Variants in FILIP1L observed in about 807,000 individuals in gnomAD.
The protein encoded by FILIP1L is filamin A interacting protein 1 like.
FILIP1L carries 55 observed loss-of-function variants against 96.6 expected under a neutral mutation model. The observed-to-expected ratio is 0.57, with a 90% CI of 0.46 to 0.71. The LOEUF is 0.71. Among genes scored for constraint, FILIP1L ranks in the 30% least tolerant of loss-of-function variants. The pLI, the probability that FILIP1L is intolerant of heterozygous loss-of-function variation, is 0.00. For synonymous variants in FILIP1L, 467 were observed against 473.9 expected (o/e 0.99, Z 0.19); for missense variants, 1,304 against 1,321.2 (o/e 0.99, Z 0.20).
At chr3:100,026,736 A>G (rs967090617) in intron 1 of FILIP1L, among the ~76,000 whole-genome samples, 1 of 152,182 alleles carries the variant, frequency 6.6e-6, no homozygotes, top group African/African-American at 2.4e-5. Flanking sequence ...CTGTTGCACT[A>G]CTGTGGTCCA....
chr3:99,930,673 G>A, intron 2 of FILIP1L, 96 bp downstream of exon 2: 1 of 1,333,576 alleles, frequency 7.5e-7, no homozygotes, highest in South Asian at 1.3e-5. Context: ...ACACATGTAT[G>A]AACCACAGAT....
At chr3:99,923,989 C>T (rs902881310) in intron 4 of FILIP1L, among the ~76,000 whole-genome samples, 11 of 152,224 alleles carry the variant, frequency 7.2e-5, no homozygotes, top group Admixed American at 6.5e-4. Context: ...GCAGCCTTCA[C>T]AGGGCACTCC....
At chr3:100,022,591 A>T (rs1419349612) in intron 1 of FILIP1L, among the ~76,000 whole-genome samples, 5 of 152,228 alleles carry the variant, frequency 3.3e-5, no homozygotes, top group African/African-American at 1.2e-4. Context: ...TCACAAGTAC[A>T]TTCATGGAAT....
At chr3:100,087,163 T>C (rs2066023393) in intron 1 of FILIP1L, among the ~76,000 whole-genome samples, 1 of 152,256 alleles carries the variant, frequency 6.6e-6, no homozygotes, top group Non-Finnish European at 1.5e-5. Context: ...ACTATTAATG[T>C]TCACGTACAG....
intron 1 of FILIP1L, chr3:100,075,765 A>G (rs762088554): frequency 6.6e-6 from 1 of 152,208 alleles, no homozygotes; most frequent in African/African-American, 2.4e-5. Context: ...TGATAGTAAC[A>G]TCGTTGGACC....
intron 1 of FILIP1L, among the ~76,000 whole-genome samples, chr3:99,945,892 C>G (rs1171644889): frequency 6.6e-6 from 1 of 152,198 alleles, no homozygotes; most frequent in African/African-American, 2.4e-5. Flanking sequence ...GTGGGAGAAG[C>G]CCTTGGGCTT....
chr3:99,988,528 AAAG>A (rs1454064956), intron 1 of FILIP1L, among the ~76,000 whole-genome samples: 451 of 40,778 alleles, frequency 0.011, 2 homozygotes, highest in African/African-American at 0.027. Context: ...AAAAAAAAAA[AAAG>A]AAAGAAAAGG....
At chr3:100,032,833 T>A (rs1016932271) in intron 1 of FILIP1L, among the ~76,000 whole-genome samples, 1 of 152,134 alleles carries the variant, frequency 6.6e-6, no homozygotes, top group Non-Finnish European at 1.5e-5. Context: ...AATGATAACA[T>A]AATTAACTAT....
intron 4 of FILIP1L, among the ~76,000 whole-genome samples, chr3:99,857,025 T>C (rs139142687): frequency 1.3e-5 from 2 of 152,340 alleles, no homozygotes; most frequent in East Asian, 3.9e-4. Context: ...TGAGTATCAC[T>C]GTCTGATTCA....
At chr3:99,835,167 G>A (rs1942846021) in intron 5 of FILIP1L, among the ~76,000 whole-genome samples, 2 of 152,132 alleles carry the variant, frequency 1.3e-5, no homozygotes, top group African/African-American at 4.8e-5. Context: ...TGCTAAGGGT[G>A]GGAGTTAAGG....
Position 99,885,039 on chromosome 3 carries a change from A to G in FILIP1L, c.606-33969T>C, listed in dbSNP as rs77349701. Among the ~76,000 whole-genome samples the G allele has an allele frequency of 4.1e-3, 625 of 152,352 alleles. 9 individuals are homozygous for G. Among genetic ancestry groups the G allele is most frequent in the African/African-American group, 0.015 (607 of 41,582 alleles). ...CTGACAGCCTGTGGACTTGAGGGAA[A>G]AAACTGCAGGAGCAGAGTTTCCTTT... On this transcript the variant is annotated intron_variant, in intron 4 of 5. Transcript: ENST00000477258.
intron 4 of FILIP1L, among the ~76,000 whole-genome samples, chr3:99,855,958 G>A (rs1943941374): frequency 6.6e-6 from 1 of 152,186 alleles, no homozygotes; most frequent in Non-Finnish European, 1.5e-5. Context: ...AACGAAATCT[G>A]TAAATACATA....
At chr3:99,992,282 C>T (rs564222043) in intron 1 of FILIP1L, among the ~76,000 whole-genome samples, 2 of 152,168 alleles carry the variant, frequency 1.3e-5, no homozygotes, top group African/African-American at 4.8e-5. Flanking sequence ...TTTACATTCC[C>T]ATCAACAGTA....
intron 1 of FILIP1L, among the ~76,000 whole-genome samples, chr3:100,064,251 C>T (rs566001294): frequency 4.9e-4 from 74 of 152,276 alleles, no homozygotes; most frequent in Non-Finnish European, 9.3e-4. Context: ...TCAAAGTAAA[C>T]ATTTCATGAG....
intron 1 of FILIP1L, among the ~76,000 whole-genome samples, chr3:99,948,347 A>G (rs1708072694): frequency 6.6e-6 from 1 of 152,028 alleles, no homozygotes; most frequent in East Asian, 1.9e-4. Context: ...AAAAAATTAA[A>G]AAATTTTTTA....
intron 5 of FILIP1L, among the ~76,000 whole-genome samples, chr3:99,847,516 G>A (rs943266187): frequency 5.3e-5 from 8 of 151,914 alleles, no homozygotes; most frequent in Admixed American, 5.2e-4. Flanking sequence ...ACTTTCTCTG[G>A]CTTCCTATCA....
intron 1 of FILIP1L, among the ~76,000 whole-genome samples, chr3:100,067,632 C>A (rs2065689212): frequency 6.6e-6 from 1 of 152,140 alleles, no homozygotes; most frequent in Non-Finnish European, 1.5e-5. Context: ...CTAGAATTCA[C>A]AAGATTATCT....
At position 99,934,472 on chromosome 3, in the gene FILIP1L, G is replaced by A. The variant is rs141768769; in HGVS notation, c.-10-3442C>T. ...TGATGAATTCCTATGTTTTCCTCTT[G>A]CCCACATAGTCCTGTGTGGAACAAT... On this transcript the variant is annotated intron_variant, in intron 1 of 5. Coordinates refer to ENST00000477258, the MANE Select transcript of FILIP1L (RefSeq NM_001387850.1). Among the ~76,000 whole-genome samples, 349 of 152,046 alleles carry A rather than the reference G, an allele frequency of 2.3e-3. 1 individual carries two copies. Among genetic ancestry groups the A allele is most frequent in the Non-Finnish European group, 2.6e-3 (180 of 68,000 alleles).
chr3:100,092,771 G>A (rs2066133242), intron 1 of FILIP1L, among the ~76,000 whole-genome samples: 1 of 150,914 alleles, frequency 6.6e-6, no homozygotes, highest in Admixed American at 6.6e-5. Context: ...TTATCTCCCT[G>A]CATTCAGCAT....
Sources: allele counts gnomAD v4.1 joint callset (sites outside exome capture counted in the v4.1 genomes callset), GRCh38; gene constraint gnomAD v4.1.1; transcripts MANE v1.5; gene names NCBI Gene and HGNC (gene_info 2026-07-23, HGNC 2026-07-21).